Variants in FAM199X observed in about 807,000 individuals in gnomAD.
The protein encoded by FAM199X is family with sequence similarity 199, X-linked.
FAM199X carries 4 observed loss-of-function variants against 22.9 expected under a neutral mutation model. That is an observed-to-expected ratio of 0.17 (90% CI 0.09 to 0.40). The LOEUF is 0.40. Ranked by LOEUF, FAM199X falls within the 10% of genes least tolerant of loss-of-function variation. The probability of loss-of-function intolerance (pLI) is 1.00; values close to 1 mark genes in which losing one functional copy is unlikely to be tolerated. For synonymous variants in FAM199X, 101 were observed against 112.3 expected, an observed-to-expected ratio of 0.90 and a Z score of 0.64; for missense variants, 183 against 306.8, an observed-to-expected ratio of 0.60 and a Z score of 3.01.
upstream of FAM199X, among the ~76,000 whole-genome samples, chrX:104,166,284 C>T (rs1012176294): frequency 1.8e-5 from 2 of 113,088 alleles, no homozygotes; most frequent in Non-Finnish European, 3.8e-5. Flanking sequence ...GCCAGAGGCG[C>T]CTAGCCTTTC....
rs782245191 is a variant in FAM199X, at chrX:104,193,362, A to G, written c.*3584A>G. The stretch of plus-strand genomic sequence containing the variant: ...TTTTTTTCCCTCTGAAAAAGATCAT[A>G]TGCCAGGATACTTCTTCAAACCAGA... On this transcript the variant is annotated 3_prime_UTR_variant, in exon 6 of 6. Transcript: ENST00000493442. 97 of 111,918 alleles carry G rather than the reference A, an allele frequency of 8.7e-4. 1 individual carries two copies. In the Admixed American group the frequency reaches 8.9e-3, roughly 10 times the overall value. 9.2% of individuals were successfully genotyped at this position (111,918 alleles called of 1,213,427 possible).
chrX:104,172,012 C>G (rs1921364253), intron 1 of FAM199X, among the ~76,000 whole-genome samples: 1 of 111,459 alleles, frequency 9.0e-6, no homozygotes, highest in Admixed American at 9.5e-5. Flanking sequence ...ATTATGTCAA[C>G]TTAGACTGTC....
chrX:104,181,912 C>G (rs1247549531), intron 2 of FAM199X, among the ~76,000 whole-genome samples: 2 of 110,821 alleles, frequency 1.8e-5, no homozygotes, highest in African/African-American at 6.6e-5. Flanking sequence ...TTTTTCTGGT[C>G]TCAACATGAG....
chrX:104,169,304 T>G (rs1460725483), intron 1 of FAM199X, among the ~76,000 whole-genome samples: 2 of 112,503 alleles, frequency 1.8e-5, no homozygotes, highest in African/African-American at 3.2e-5. Context: ...TGCCTTGGGT[T>G]TAGTGATTGT....
chrX:104,169,627 G>C (rs1921302289), intron 1 of FAM199X, among the ~76,000 whole-genome samples: 1 of 111,521 alleles, frequency 9.0e-6, no homozygotes, highest in Non-Finnish European at 1.9e-5. Flanking sequence ...GAGTGCAGTT[G>C]CACAATCTTG....
intron 1 of FAM199X, among the ~76,000 whole-genome samples, chrX:104,169,110 A>G (rs1556374779): frequency 8.9e-6 from 1 of 111,806 alleles, no homozygotes; most frequent in Non-Finnish European, 1.9e-5. Flanking sequence ...GCTTGAGAGG[A>G]CCATAGGCTT....
chrX:104,185,062 ATTTTTTTTTTTT>A (rs782075983), intron 2 of FAM199X, among the ~76,000 whole-genome samples: 41 of 77,939 alleles, frequency 5.3e-4, no homozygotes, highest in Non-Finnish European at 9.4e-4. Context: ...AGGCATGATA[ATTTTTTTTTTTT>A]TTTTTTTTTT....
chrX:104,178,894 G>A (rs1381322857), intron 2 of FAM199X, among the ~76,000 whole-genome samples: 9 of 111,544 alleles, frequency 8.1e-5, no homozygotes, highest in African/African-American at 2.3e-4. Context: ...TTGATAAGCC[G>A]AGGTGGGTAG....
intron 3 of FAM199X, 58 bp from the exon 4 acceptor site, chrX:104,186,402 C>T: frequency 8.8e-7 from 1 of 1,141,917 alleles, no homozygotes; most frequent in Non-Finnish European, 1.2e-6. Flanking sequence ...TTATAATTGA[C>T]ATAATAAAGG....
chrX:104,178,987 A>G (rs139927669), intron 2 of FAM199X, among the ~76,000 whole-genome samples: 2 of 111,315 alleles, frequency 1.8e-5, no homozygotes, highest in South Asian at 7.6e-4. Flanking sequence ...AAAATTTACC[A>G]GGCGTGGTGG....
In FAM199X at chrX:104,191,003, G is replaced by A. The variant is rs1323103777; in HGVS notation, c.*1225G>A. The A allele has an allele frequency of 2.7e-5, 3 of 111,445 alleles. No homozygotes were observed. The Admixed American group carries it at 2.9e-4, about 11-fold the overall frequency. 9.2% of individuals were successfully genotyped at this position (111,445 alleles called of 1,213,427 possible). On this transcript the variant is annotated 3_prime_UTR_variant, in exon 6 of 6. Coordinates refer to ENST00000493442, the MANE Select transcript of FAM199X (RefSeq NM_207318.4). ...TACCACATGTCTTGAACATTCACAT[G>A]GGTTAAAGAAGATGGAAACTGATAC... is the stretch of plus-strand genomic sequence containing the variant.
chrX:104,171,396 A>G (rs1921349485), intron 1 of FAM199X, among the ~76,000 whole-genome samples: 1 of 111,622 alleles, frequency 9.0e-6, no homozygotes, highest in Non-Finnish European at 1.9e-5. Context: ...GGTGATAGCT[A>G]GAGTCGAAGT....
chrX:104,157,410 T>A, the FAM199X span, among the ~76,000 whole-genome samples: 1 of 111,248 alleles, frequency 9.0e-6, no homozygotes, highest in South Asian at 3.8e-4. Context: ...GCTGCATATG[T>A]AAAGAGCACA....
rs1383160628 is a variant in FAM199X, at chrX:104,194,577, C to T, written c.*4799C>T. ...CTTTTAACAATGGAGCAGATAATGTCTGTTCCTGTAGTGGATCCATTTAAT... is the reference window on the plus strand; with the variant it reads ...CTTTTAACAATGGAGCAGATAATGTTTGTTCCTGTAGTGGATCCATTTAAT... On this transcript the variant is annotated 3_prime_UTR_variant, in exon 6 of 6. Transcript: ENST00000493442. 8.9e-6 allele frequency: 1 copy of T among 111,880 alleles called. No individual in the cohort carries two copies. Among genetic ancestry groups the T allele is most frequent in the African/African-American group, 3.2e-5 (1 of 30,891 alleles). 9.2% of individuals were successfully genotyped at this position (111,880 alleles called of 1,213,427 possible). A position where few individuals can be genotyped will look rare whatever the true frequency, so the allele number is the denominator to read the frequency against.
chrX:104,163,149 A>G (rs1921080828), upstream of FAM199X, among the ~76,000 whole-genome samples: 1 of 109,246 alleles, frequency 9.2e-6, no homozygotes, highest in African/African-American at 3.4e-5. Context: ...CTTCGAGCTC[A>G]TCAATCACAT....
chrX:104,159,874 A>G, the FAM199X span, among the ~76,000 whole-genome samples: 1 of 112,328 alleles, frequency 8.9e-6, no homozygotes, highest in Non-Finnish European at 1.9e-5. Flanking sequence ...TGAGAGTACA[A>G]GGGTACCTTG....
chrX:104,169,679 T>C (rs781963255), intron 1 of FAM199X, among the ~76,000 whole-genome samples: 2 of 111,919 alleles, frequency 1.8e-5, no homozygotes, highest in Non-Finnish European at 3.8e-5. Context: ...GCGATTCTCC[T>C]GCCTCAGCCT....
At chrX:104,161,942 T>G (rs1038967303), upstream of FAM199X, among the ~76,000 whole-genome samples, 4 of 112,250 alleles carry the variant, frequency 3.6e-5, no homozygotes, top group Non-Finnish European at 7.5e-5. Flanking sequence ...TTTTTTGCCA[T>G]CAACCCTTAA....
chrX:104,167,608 G>A (rs782191037), intron 1 of FAM199X, among the ~76,000 whole-genome samples: 1 of 109,867 alleles, frequency 9.1e-6, no homozygotes, highest in Admixed American at 9.8e-5. Flanking sequence ...TTTAGGCTCT[G>A]CCAAAATTGG....
Sources: gnomAD v4.1 joint callset for allele counts (sites outside exome capture counted in the v4.1 genomes callset) on GRCh38, gnomAD v4.1.1 for gene constraint, MANE v1.5 for transcripts, NCBI Gene and HGNC (gene_info 2026-07-23, HGNC 2026-07-21) for gene names.